EYS: variants seen among roughly 807,000 people sequenced by gnomAD.
The protein encoded by EYS is EGF-like photoreceptor maintenance factor, also known as protein eyes shut homolog.
In EYS, 250 loss-of-function variants were observed where a neutral mutation model predicts 282.1. The ratio of observed to expected loss-of-function variants is 0.89; its 90% CI spans 0.80 to 0.98. The LOEUF (loss-of-function observed/expected upper bound fraction) is 0.98. Ranked by LOEUF, EYS falls within the 50% of genes least tolerant of loss-of-function variation. The pLI is 0.00. For synonymous variants in EYS, 1,355 were observed against 1,282.9 expected, an observed-to-expected ratio of 1.06 and a Z score of -1.20; for missense variants, 4,016 against 3,709.0, an observed-to-expected ratio of 1.08 and a Z score of -2.15.
chr6:64,442,273 G>A (rs888727953), intron 26 of EYS, among the ~76,000 whole-genome samples: 1 of 152,144 alleles, frequency 6.6e-6, no homozygotes, highest in Non-Finnish European at 1.5e-5. Context: ...TGAGGAACAT[G>A]ATTTAGGATA....
chr6:63,721,618 T>TTG lies in EYS; in HGVS notation c.8412_8413insCA (p.Thr2805GlnfsTer9). On this transcript the variant is annotated frameshift_variant, in exon 43 of 43. Coordinates refer to ENST00000503581, the MANE Select transcript of EYS (RefSeq NM_001142800.2). LOFTEE classifies it low-confidence loss of function (END_TRUNC). ...CTCATTTTAGTGGAGGCCTTTTCTG[T>TTG]TACATTTATCCCATCTAGATCCAGG... 1 of 1,551,382 alleles carries TTG rather than the reference T, an allele frequency of 6.4e-7. No individual in the cohort carries two copies.
At chr6:64,609,987 A>G (rs901657926) in intron 24 of EYS, among the ~76,000 whole-genome samples, 5 of 152,028 alleles carry the variant, frequency 3.3e-5, no homozygotes, top group Admixed American at 6.6e-5. Context: ...TATCTATCTT[A>G]AAAATAAATG....
At chr6:65,495,638 T>G in intron 3 of EYS, 31 bp from the exon 4 acceptor site, 1 of 585,326 alleles carries the variant, frequency 1.7e-6, no homozygotes. Flanking sequence ...ATATTGTTAG[T>G]GAAGTTTTCC....
chr6:65,382,467 G>GTGTGTGTC (rs1554190284), intron 8 of EYS, among the ~76,000 whole-genome samples: 7 of 143,850 alleles, frequency 4.9e-5, no homozygotes, highest in East Asian at 2.0e-4. Context: ...CTGTGTGTGT[G>GTGTGTGTC]TGTGTGTGTG....
chr6:64,036,750 G>T (rs1770140625), intron 33 of EYS, among the ~76,000 whole-genome samples: 1 of 152,160 alleles, frequency 6.6e-6, no homozygotes, highest in South Asian at 2.1e-4. Context: ...ACTGATTTAG[G>T]ACACTGCTAA....
intron 9 of EYS, among the ~76,000 whole-genome samples, chr6:65,351,778 C>G (rs1168464027): frequency 6.6e-6 from 1 of 151,666 alleles, no homozygotes; most frequent in Non-Finnish European, 1.5e-5. Flanking sequence ...ATGTAGGGAA[C>G]CTCAAAAAAT....
At chr6:65,300,091 G>T (rs1355208123) in intron 11 of EYS, among the ~76,000 whole-genome samples, 2 of 151,974 alleles carry the variant, frequency 1.3e-5, no homozygotes, top group Non-Finnish European at 2.9e-5. Flanking sequence ...TTTTAGTTTT[G>T]TTTACTTATT....
intron 35 of EYS, among the ~76,000 whole-genome samples, chr6:63,919,945 A>G (rs953674596): frequency 6.6e-6 from 1 of 152,176 alleles, no homozygotes; most frequent in African/African-American, 2.4e-5. Context: ...GGCTCTACGT[A>G]AATTGCGTAA....
chr6:65,560,027 TTA>T (rs1413119177), intron 2 of EYS, among the ~76,000 whole-genome samples: 1 of 150,422 alleles, frequency 6.6e-6, no homozygotes, highest in Non-Finnish European at 1.5e-5. Context: ...CAGTTTTAGT[TTA>T]TGTTTTGTCA....
chr6:64,617,754 G>T (rs903494882), intron 23 of EYS, among the ~76,000 whole-genome samples: 16 of 152,050 alleles, frequency 1.1e-4, no homozygotes, highest in Non-Finnish European at 2.9e-5. Context: ...TAAATAATTT[G>T]CTCTAAAATC....
chr6:64,772,630 C>T (rs1219538322), intron 22 of EYS, among the ~76,000 whole-genome samples: 1 of 151,652 alleles, frequency 6.6e-6, no homozygotes, highest in African/African-American at 2.4e-5. Context: ...TTTTTGTATC[C>T]ATTAACTATC....
intron 29 of EYS, among the ~76,000 whole-genome samples, chr6:64,361,636 C>A (rs1056923696): frequency 2.6e-5 from 4 of 151,732 alleles, no homozygotes; most frequent in African/African-American, 9.7e-5. Flanking sequence ...ATAAGAAGAT[C>A]TTCTTTTGGG....
chr6:65,289,892 T>C (rs1768475963), intron 12 of EYS, among the ~76,000 whole-genome samples: 1 of 151,092 alleles, frequency 6.6e-6, no homozygotes, highest in Non-Finnish European at 1.5e-5. Context: ...CAATGATTAG[T>C]AATCATGTTC....
intron 31 of EYS, among the ~76,000 whole-genome samples, chr6:64,089,206 TTTA>T (rs1188508668): frequency 6.6e-6 from 1 of 151,712 alleles, no homozygotes; most frequent in African/African-American, 2.4e-5. Context: ...TGAGTCTAAT[TTTA>T]TTAAAATCTG....
Position 63,806,265 on chromosome 6 carries a change from G to A in EYS, c.7336C>T (p.Leu2446=), listed in dbSNP as rs1163160094. The change falls in exon 37 of 43, where the codon CTG becomes TTG. Residue 2446 remains leucine (L), a synonymous_variant. Transcript: ENST00000503581. Reference sequence around the variant, plus strand: ...TGGTTGTTTGCCAGCTGAAACTTCAGGTGGAATTCATAATGGAAGCTGATG... The same window carrying A: ...TGGTTGTTTGCCAGCTGAAACTTCAAGTGGAATTCATAATGGAAGCTGATG... The part of the protein sequence containing the change: ...SDISFHYEFH[L]KFQLANNHSA... 7.1e-6 allele frequency: 11 copies of A among 1,551,502 alleles called. No individual in the cohort carries two copies. The highest frequency in any genetic ancestry group is 7.8e-6 in the Non-Finnish European group (9 of 1,146,930).
At chr6:64,372,150 T>G (rs1340450854) in intron 29 of EYS, among the ~76,000 whole-genome samples, 12 of 77,308 alleles carry the variant, frequency 1.6e-4, no homozygotes, top group Non-Finnish European at 3.1e-4. Context: ...TTTTTTTTTT[T>G]TTTTTTTTTT....
chr6:64,992,110 T>C (rs533014653), intron 14 of EYS, among the ~76,000 whole-genome samples: 5 of 151,974 alleles, frequency 3.3e-5, no homozygotes, highest in Non-Finnish European at 7.4e-5. Context: ...TTTAGAACAA[T>C]TGAGTCCAGC....
At chr6:63,957,520 C>T (rs1765877362) in intron 35 of EYS, among the ~76,000 whole-genome samples, 1 of 141,058 alleles carries the variant, frequency 7.1e-6, no homozygotes, top group South Asian at 2.3e-4. Context: ...TTGTATTCTT[C>T]TATTAAATAA....
At chr6:64,674,864 A>T (rs926857350) in intron 22 of EYS, among the ~76,000 whole-genome samples, 3 of 152,118 alleles carry the variant, frequency 2.0e-5, no homozygotes, top group African/African-American at 7.2e-5. Context: ...GGAGAAAAAA[A>T]AATCAAAGTT....
Sources: allele counts gnomAD v4.1 joint callset (sites outside exome capture counted in the v4.1 genomes callset), GRCh38; gene constraint gnomAD v4.1.1; transcripts MANE v1.5; gene names NCBI Gene and HGNC (gene_info 2026-07-23, HGNC 2026-07-21).